Variants in AFF4 observed in about 807,000 individuals in gnomAD.
AFF4 encodes AF4/FMR2 family member 4.
Under a neutral mutation model 124.8 loss-of-function variants are expected in AFF4, and 13 were observed. The ratio of observed to expected loss-of-function variants is 0.10; its 90% CI spans 0.07 to 0.17. The LOEUF is 0.17. Among genes scored for constraint, AFF4 ranks in the 10% least tolerant of loss-of-function variants. AFF4 has a pLI of 1.00. For synonymous variants in AFF4, 477 were observed against 496.1 expected, an observed-to-expected ratio of 0.96 and a Z score of 0.51; for missense variants, 1,092 against 1,403.8, an observed-to-expected ratio of 0.78 and a Z score of 3.55.
In AFF4 at chr5:132,934,314, G is replaced by GT. The variant is rs773885862; in HGVS notation, c.750dup (p.Gln251ThrfsTer23). 6.2e-7 allele frequency: 1 copy of GT among 1,614,134 alleles called. No homozygotes were observed. The highest frequency in any genetic ancestry group is 8.5e-7 in the Non-Finnish European group (1 of 1,180,020). ...GGCCGCACATAGGCAGTGGGTTTCT[G>GT]TAACATTGAATTGGACTTTGACATC... On this transcript the variant is annotated frameshift_variant, in exon 3 of 21. Coordinates refer to ENST00000265343, the MANE Select transcript of AFF4 (RefSeq NM_014423.4). LOFTEE classifies it high-confidence loss of function.
intron 5 of AFF4, among the ~76,000 whole-genome samples, chr5:132,909,310 A>G (rs1760740580): frequency 6.6e-6 from 1 of 151,860 alleles, no homozygotes; most frequent in Non-Finnish European, 1.5e-5. Flanking sequence ...ACGCCCAGCT[A>G]ATTTCTGTAT....
rs111423086 is a variant in AFF4 at position 132,951,223 on chromosome 5, C to CA, written c.-5+12035dup. Among the ~76,000 whole-genome samples the CA allele has an allele frequency of 5.0e-3, 669 of 134,034 alleles. 2 individuals carry two copies. The highest frequency in any genetic ancestry group is 5.9e-3 in the Non-Finnish European group (363 of 61,822). The allele number at this position is 134,034 out of a possible 152,430, so 87.9% of individuals were successfully genotyped here. A position where few individuals can be genotyped will look rare whatever the true frequency, so the allele number is the denominator to read the frequency against. ...TGGGCAACAAAGCAAGACTCCGTCT[C>CA]AAAAAAAAAAAAAAGTCTTCATTGG... On this transcript the variant is annotated intron_variant, in intron 1 of 20. Transcript: ENST00000265343.
chr5:132,956,116 C>T (rs1761954217), intron 1 of AFF4, among the ~76,000 whole-genome samples: 1 of 151,956 alleles, frequency 6.6e-6, no homozygotes, highest in South Asian at 2.1e-4. Flanking sequence ...TAACTAACTG[C>T]TCAACCCTAA....
In AFF4 at chr5:132,878,974, G is replaced by A. The variant is rs1359723861; in HGVS notation, c.*2085C>T. On this transcript the variant is annotated 3_prime_UTR_variant, in exon 21 of 21. Transcript: ENST00000265343. The stretch of plus-strand genomic sequence containing the variant: ...ATCAGAGAAGGACAAGACATAACAT[G>A]TATTTGATTAACAACCATTATTTCT... 4.5e-6 allele frequency: 1 copy of A among 221,442 alleles called. No individual in the cohort carries two copies. The highest frequency in any genetic ancestry group is 2.2e-5 in the African/African-American group (1 of 44,724). The allele number at this position is 221,442 out of a possible 1,614,324, so 13.7% of individuals were successfully genotyped here.
At chr5:132,888,975 C>T in intron 14 of AFF4, 104 bp downstream of exon 14, 1 of 1,061,566 alleles carries the variant, frequency 9.4e-7, no homozygotes, top group Non-Finnish European at 1.4e-6. Flanking sequence ...GGATTACAAG[C>T]GTGAGCCACC....
chr5:132,907,895 TCA>T (rs1429619350), intron 5 of AFF4, among the ~76,000 whole-genome samples: 2 of 152,014 alleles, frequency 1.3e-5, no homozygotes, highest in African/African-American at 4.8e-5. Context: ...AAATGCTAGA[TCA>T]CACAGTTTAC....
In AFF4 at chr5:132,880,019, T is replaced by G; in HGVS notation, c.*1040A>C. The G allele has an allele frequency of 2.6e-6, 1 of 390,982 alleles. No homozygotes were observed. 24.2% of individuals were successfully genotyped at this position (390,982 alleles called of 1,614,324 possible). ...TCCAGCCTATTTCTGTATCAGTCAT[T>G]GCATGCTCATATCAGAGCATCACAA... is the stretch of plus-strand genomic sequence containing the variant. On this transcript the variant is annotated 3_prime_UTR_variant, in exon 21 of 21. Transcript: ENST00000265343.
chr5:132,936,192 G>A lies in AFF4; in HGVS notation c.123+875C>T, dbSNP rs551159187. On this transcript the variant is annotated intron_variant, in intron 2 of 20. Transcript: ENST00000265343. ...TTAGGCAGGAGAATGGCGTGAACCC[G>A]GGAGGCGGAGCTTGCAGTGAGCCCA... 1.8e-3 allele frequency among the ~76,000 whole-genome samples: 276 copies of A among 149,734 alleles called. 2 individuals carry two copies. The highest frequency in any genetic ancestry group is 5.1e-3 in the African/African-American group (207 of 40,762).
intron 3 of AFF4, among the ~76,000 whole-genome samples, chr5:132,932,961 T>C (rs1235363884): frequency 2.0e-5 from 3 of 152,226 alleles, no homozygotes; most frequent in African/African-American, 4.8e-5. Context: ...CCAAGGCCAC[T>C]GGAAAGATGT....
intron 5 of AFF4, among the ~76,000 whole-genome samples, chr5:132,920,438 C>A (rs1432358910): frequency 1.3e-5 from 2 of 151,204 alleles, no homozygotes; most frequent in African/African-American, 2.4e-5. Flanking sequence ...CTCACTGCAG[C>A]CTCAACCTCC....
intron 5 of AFF4, among the ~76,000 whole-genome samples, chr5:132,908,922 C>T (rs1024205756): frequency 2.6e-5 from 4 of 151,140 alleles, no homozygotes; most frequent in African/African-American, 9.7e-5. Flanking sequence ...AGGCACCTGC[C>T]ACCACGCCCA....
intron 20 of AFF4, among the ~76,000 whole-genome samples, chr5:132,882,575 G>A (rs1760007526): frequency 6.6e-6 from 1 of 152,064 alleles, no homozygotes; most frequent in South Asian, 2.1e-4. Context: ...TAAGAATTCT[G>A]GCCGGACGTG....
chr5:132,923,223 T>C lies in AFF4; in HGVS notation c.1050+3898A>G, dbSNP rs138362164. Among the ~76,000 whole-genome samples, 89 of 152,076 alleles carry C rather than the reference T, an allele frequency of 5.9e-4. 1 individual carries two copies. The highest frequency in any genetic ancestry group is 2.1e-3 in the African/African-American group (89 of 41,496). ...AAAGTCAGCCAGGCATGGTGGTGCA[T>C]GCCTGTAGTTCCCGCTACTCAGGAG... On this transcript the variant is annotated intron_variant, in intron 5 of 20. Coordinates refer to ENST00000265343, the MANE Select transcript of AFF4 (RefSeq NM_014423.4).
chr5:132,949,715 C>T (rs561472431), intron 1 of AFF4, among the ~76,000 whole-genome samples: 55 of 151,366 alleles, frequency 3.6e-4, no homozygotes, highest in Middle Eastern at 3.4e-3. Flanking sequence ...CGCGCGCGCG[C>T]GCCAGGCGTG....
At chr5:132,922,942 C>T (rs867765978) in intron 5 of AFF4, among the ~76,000 whole-genome samples, 4 of 151,746 alleles carry the variant, frequency 2.6e-5, no homozygotes, top group Middle Eastern at 3.4e-3. Context: ...TTTGGGAGGC[C>T]GAGGTGGGCA....
At chr5:132,951,474 T>G (rs1012872123) in intron 1 of AFF4, among the ~76,000 whole-genome samples, 2 of 152,208 alleles carry the variant, frequency 1.3e-5, no homozygotes, top group African/African-American at 4.8e-5. Context: ...TCTCTCCCCC[T>G]GTAAGCAGTA....
In AFF4 at chr5:132,934,147, A is replaced by G. The variant is rs146532485; in HGVS notation, c.918T>C (p.Asp306=). 1.3e-4 allele frequency: 203 copies of G among 1,610,796 alleles called. No individual in the cohort carries two copies. In the African/African-American group the frequency reaches 2.4e-3, roughly 19 times the overall value. ...TKLKIPSQPL[D]ASASGDVSCV... ...TAAAAGCTCTAAATGTGTGACTTAC[A>G]TCCAGTGGTTGGGAAGGTATTTTCA... is the stretch of plus-strand genomic sequence containing the variant. The change falls in exon 3 of 21, where the codon GAT becomes GAC. Residue 306 remains aspartate, a splice_region_variant and synonymous_variant. Transcript: ENST00000265343.
At chr5:132,923,564 C>T (rs569820701) in intron 5 of AFF4, among the ~76,000 whole-genome samples, 1 of 151,522 alleles carries the variant, frequency 6.6e-6, no homozygotes, top group Admixed American at 6.6e-5. Flanking sequence ...GTGAGACCCC[C>T]GTCTCTATGT....
At chr5:132,904,523 G>T in intron 5 of AFF4, 119 bp from the exon 6 acceptor site, 1 of 836,962 alleles carries the variant, frequency 1.2e-6, no homozygotes, top group Non-Finnish European at 1.9e-6. Flanking sequence ...AGAATGTAAT[G>T]ATCCTGTCTG....
Sources: gnomAD v4.1 joint callset for allele counts (sites outside exome capture counted in the v4.1 genomes callset) on GRCh38, gnomAD v4.1.1 for gene constraint, MANE v1.5 for transcripts, NCBI Gene and HGNC (gene_info 2026-07-23, HGNC 2026-07-21) for gene names.